STK3: variants seen among roughly 807,000 people sequenced by gnomAD.
STK3 encodes the protein serine/threonine kinase 3.
In STK3, 41 loss-of-function variants were observed where a neutral mutation model predicts 58.0. The ratio of observed to expected loss-of-function variants is 0.71; its 90% CI spans 0.55 to 0.92. STK3 has a LOEUF of 0.92. STK3 is among the 40% of genes least tolerant of loss of function. STK3 has a pLI of 0.00. For synonymous variants in STK3, 170 were observed against 191.0 expected, an observed-to-expected ratio of 0.89 and a Z score of 0.91; for missense variants, 479 against 602.7, an observed-to-expected ratio of 0.79 and a Z score of 2.15.
intron 6 of STK3, among the ~76,000 whole-genome samples, chr8:98,613,310 C>T (rs1817345007): frequency 6.6e-6 from 1 of 151,892 alleles, no homozygotes; most frequent in Admixed American, 6.6e-5. Flanking sequence ...CTGTTTTCAA[C>T]CAAAAATTAC....
At chr8:98,370,297 C>A (rs148465015), downstream of STK3, among the ~76,000 whole-genome samples, 1 of 149,274 alleles carries the variant, frequency 6.7e-6, no homozygotes, top group South Asian at 2.1e-4. Flanking sequence ...ACTAGAGAGG[C>A]CTGTTAAAAA....
chr8:98,714,533 T>C (rs1011850406), intron 4 of STK3, among the ~76,000 whole-genome samples: 1 of 152,188 alleles, frequency 6.6e-6, no homozygotes, highest in Non-Finnish European at 1.5e-5. Context: ...CCATTCACAA[T>C]TGCTTCAAAG....
chr8:98,517,626 G>C (rs1347305292), intron 10 of STK3, among the ~76,000 whole-genome samples: 1 of 152,098 alleles, frequency 6.6e-6, no homozygotes, highest in Non-Finnish European at 1.5e-5. Context: ...TAGATTTAAA[G>C]AAATTTCATG....
At chr8:98,801,384 T>C (rs1187104195) in intron 1 of STK3, among the ~76,000 whole-genome samples, 1 of 152,134 alleles carries the variant, frequency 6.6e-6, no homozygotes, top group African/African-American at 2.4e-5. Flanking sequence ...CTCGGTCCCC[T>C]TCCACACTGT....
intron 6 of STK3, among the ~76,000 whole-genome samples, chr8:98,684,730 T>C (rs765805921): frequency 1.3e-5 from 2 of 152,142 alleles, no homozygotes; most frequent in Non-Finnish European, 2.9e-5. Context: ...GTAGCAACAA[T>C]AGAAGCATTC....
intron 3 of STK3, among the ~76,000 whole-genome samples, chr8:98,404,797 G>A (rs1817977968): frequency 6.6e-6 from 1 of 152,104 alleles, no homozygotes; most frequent in Non-Finnish European, 1.5e-5. Flanking sequence ...GCTGCAATGA[G>A]CCATGATCGC....
At chr8:98,549,790 C>G (rs1811013256) in intron 8 of STK3, among the ~76,000 whole-genome samples, 1 of 152,148 alleles carries the variant, frequency 6.6e-6, no homozygotes, top group African/African-American at 2.4e-5. Flanking sequence ...GAGGTCAGGG[C>G]AGAAGGCCAG....
chr8:98,481,302 A>G (rs1821834060), intron 10 of STK3, among the ~76,000 whole-genome samples: 1 of 152,142 alleles, frequency 6.6e-6, no homozygotes, highest in African/African-American at 2.4e-5. Flanking sequence ...CTGCACTTGT[A>G]TGTTTACTGT....
intron 1 of STK3, among the ~76,000 whole-genome samples, chr8:98,936,432 C>T (rs1296260033): frequency 6.6e-6 from 1 of 152,156 alleles, no homozygotes; most frequent in East Asian, 1.9e-4. Flanking sequence ...TTCCCAGTAC[C>T]TACCACAAGG....
At chr8:98,652,121 A>T (rs566975547) in intron 6 of STK3, among the ~76,000 whole-genome samples, 2 of 152,366 alleles carry the variant, frequency 1.3e-5, no homozygotes, top group South Asian at 4.1e-4. Flanking sequence ...CCCTCAGACC[A>T]ACAGCGGATC....
At chr8:98,509,752 AT>A (rs955626019) in intron 10 of STK3, among the ~76,000 whole-genome samples, 16 of 151,946 alleles carry the variant, frequency 1.1e-4, no homozygotes, top group Non-Finnish European at 2.2e-4. Context: ...AAGACTGTAA[AT>A]AAACCTTATT....
intron 6 of STK3, among the ~76,000 whole-genome samples, chr8:98,684,150 T>G (rs183873746): frequency 3.7e-4 from 56 of 152,290 alleles, no homozygotes; most frequent in Admixed American, 2.3e-3. Context: ...AAAATAACTG[T>G]TTTTCATCAT....
At chr8:98,410,307 A>C (rs1234122385) in intron 3 of STK3, among the ~76,000 whole-genome samples, 5 of 152,184 alleles carry the variant, frequency 3.3e-5, no homozygotes, top group African/African-American at 9.6e-5. Context: ...TCTCGCCTTC[A>C]TCTACTTCTG....
At chr8:98,533,638 C>T (rs1284170160) in intron 9 of STK3, among the ~76,000 whole-genome samples, 2 of 152,076 alleles carry the variant, frequency 1.3e-5, no homozygotes, top group African/African-American at 2.4e-5. Flanking sequence ...CAGGCATGCA[C>T]CGCCACACTC....
chr8:98,706,420 A>G, intron 6 of STK3, 47 bp downstream of exon 6: 2 of 1,519,102 alleles, frequency 1.3e-6, no homozygotes, highest in Non-Finnish European at 1.8e-6. Context: ...ACAAAACGGC[A>G]ACACTTATAT....
At chr8:98,759,278 T>C (rs1563970820) in intron 3 of STK3, among the ~76,000 whole-genome samples, 1 of 152,208 alleles carries the variant, frequency 6.6e-6, no homozygotes, top group Non-Finnish European at 1.5e-5. Context: ...TTACGGACCA[T>C]TGTAGAATTA....
At chr8:98,897,499 G>T (rs933576024) in intron 1 of STK3, among the ~76,000 whole-genome samples, 2 of 151,952 alleles carry the variant, frequency 1.3e-5, no homozygotes, top group Non-Finnish European at 2.9e-5. Flanking sequence ...GGAGGCTGAG[G>T]CAGGAGAATG....
intron 10 of STK3, among the ~76,000 whole-genome samples, chr8:98,482,438 G>GT (rs1354446008): frequency 1.3e-5 from 2 of 152,138 alleles, no homozygotes; most frequent in African/African-American, 4.8e-5. Context: ...AAAAATACAT[G>GT]TAAGTATAAA....
chr8:98,868,059 T>C (rs1391520060), intron 3 of STK3, among the ~76,000 whole-genome samples: 1 of 152,168 alleles, frequency 6.6e-6, no homozygotes, highest in Non-Finnish European at 1.5e-5. Flanking sequence ...ATCTGAATAA[T>C]TTTAAAAACC....
Sources: gnomAD v4.1 joint callset for allele counts (sites outside exome capture counted in the v4.1 genomes callset) on GRCh38, gnomAD v4.1.1 for gene constraint, MANE v1.5 for transcripts, NCBI Gene and HGNC (gene_info 2026-07-23, HGNC 2026-07-21) for gene names.